NPAS3: variants seen among roughly 807,000 people sequenced by gnomAD.
NPAS3 encodes neuronal PAS domain-containing protein 3.
NPAS3 carries 14 observed loss-of-function variants against 73.1 expected under a neutral mutation model. That is an observed-to-expected ratio of 0.19 (90% CI 0.13 to 0.30). NPAS3 has a LOEUF of 0.30. Among genes scored for constraint, NPAS3 ranks in the 10% least tolerant of loss-of-function variants. The pLI, the probability that NPAS3 is intolerant of heterozygous loss-of-function variation, is 1.00. For missense variants in NPAS3, 1,096 were observed against 1,250.0 expected (o/e 0.88, Z 1.86); for synonymous variants, 620 against 541.5 (o/e 1.14, Z -2.01).
At chr14:33,473,074 A>T (rs2050859280) in intron 4 of NPAS3, among the ~76,000 whole-genome samples, 1 of 152,166 alleles carries the variant, frequency 6.6e-6, no homozygotes, top group African/African-American at 2.4e-5. Context: ...AGGGTAAGAT[A>T]GTGATTTCGC....
rs73269013 is a variant in NPAS3 at position 33,535,720 on chromosome 14, A to C, written c.469-24401A>C. Among the ~76,000 whole-genome samples, 888 of 152,300 alleles carry C rather than the reference A, an allele frequency of 5.8e-3. 7 individuals carry two copies. The highest frequency in any genetic ancestry group is 0.02 in the African/African-American group (812 of 41,548). On this transcript the variant is annotated intron_variant, in intron 4 of 11. Transcript: ENST00000356141. ...TTTCTGAATGTTGTTAATGAAGACGAATTACTCTTAAAATTTCTTAAGCCA... is the reference window on the plus strand; with the variant it reads ...TTTCTGAATGTTGTTAATGAAGACGCATTACTCTTAAAATTTCTTAAGCCA...
chr14:33,636,191 A>C (rs1431286646), intron 5 of NPAS3, among the ~76,000 whole-genome samples: 1 of 152,232 alleles, frequency 6.6e-6, no homozygotes, highest in Non-Finnish European at 1.5e-5. Flanking sequence ...AAGTGCTGGG[A>C]TTACAGGCGT....
chr14:33,494,887 C>T (rs2052093036), intron 4 of NPAS3, among the ~76,000 whole-genome samples: 1 of 152,016 alleles, frequency 6.6e-6, no homozygotes, highest in Non-Finnish European at 1.5e-5. Flanking sequence ...AGGAAGGCGC[C>T]TAATAATTTG....
At chr14:33,555,308 T>G (rs1451546517) in intron 4 of NPAS3, among the ~76,000 whole-genome samples, 1 of 152,234 alleles carries the variant, frequency 6.6e-6, no homozygotes, top group Non-Finnish European at 1.5e-5. Flanking sequence ...GGACTAGCAT[T>G]AACATTTGTG....
chr14:33,585,062 T>G (rs959733676), intron 5 of NPAS3, among the ~76,000 whole-genome samples: 1 of 151,322 alleles, frequency 6.6e-6, no homozygotes, highest in Non-Finnish European at 1.5e-5. Flanking sequence ...GAAAGTTCAA[T>G]TCTTTCTTTT....
At chr14:33,299,728 G>A (rs1383958269) in intron 3 of NPAS3, among the ~76,000 whole-genome samples, 1 of 152,084 alleles carries the variant, frequency 6.6e-6, no homozygotes, top group Non-Finnish European at 1.5e-5. Context: ...GGGAAAAAAA[G>A]CAATGATAAA....
intron 6 of NPAS3, among the ~76,000 whole-genome samples, chr14:33,718,826 A>T (rs1377875876): frequency 6.6e-6 from 1 of 152,152 alleles, no homozygotes; most frequent in South Asian, 2.1e-4. Context: ...CATAACTCAC[A>T]CAAGGCTGTA....
intron 4 of NPAS3, among the ~76,000 whole-genome samples, chr14:33,377,157 TAAC>T (rs763605266): frequency 1.9e-4 from 29 of 152,184 alleles, no homozygotes; most frequent in Non-Finnish European, 1.3e-4. Flanking sequence ...TATTTGGTGA[TAAC>T]AATGTATTTT....
intron 1 of NPAS3, among the ~76,000 whole-genome samples, chr14:32,958,576 A>G (rs2036775976): frequency 6.6e-6 from 1 of 152,010 alleles, no homozygotes; most frequent in Non-Finnish European, 1.5e-5. Flanking sequence ...ATTCATTCTC[A>G]TGGCTTCATA....
chr14:33,259,782 C>T (rs1338336094), intron 3 of NPAS3, among the ~76,000 whole-genome samples: 1 of 151,892 alleles, frequency 6.6e-6, no homozygotes, highest in African/African-American at 2.4e-5. Flanking sequence ...TCTTTAGAAT[C>T]AGATAAAAAC....
chr14:33,338,339 G>A (rs1408309243), intron 3 of NPAS3, among the ~76,000 whole-genome samples: 1 of 152,146 alleles, frequency 6.6e-6, no homozygotes, highest in Non-Finnish European at 1.5e-5. Context: ...ATACTGGAGA[G>A]TTCTTTTTAA....
chr14:33,241,316 T>G lies in NPAS3; in HGVS notation c.385+25890T>G, dbSNP rs2048206864. Among the ~76,000 whole-genome samples the G allele has an allele frequency of 2.6e-5, 4 of 151,930 alleles. No homozygotes were observed. The South Asian group carries it at 8.3e-4, about 31-fold the overall frequency. ...TGAGATATTATCACTATAAGATAAA[T>G]TCAACTGATTTTTTCTTGTTTTGCA... On this transcript the variant is annotated intron_variant, in intron 3 of 11. Transcript: ENST00000356141.
intron 2 of NPAS3, among the ~76,000 whole-genome samples, chr14:33,202,741 G>C (rs1208449718): frequency 6.7e-6 from 1 of 148,578 alleles, no homozygotes; most frequent in Non-Finnish European, 1.5e-5. Context: ...CCACCCACAT[G>C]TATGATTTCT....
intron 3 of NPAS3, among the ~76,000 whole-genome samples, chr14:33,340,258 G>T (rs2044410466): frequency 6.6e-6 from 1 of 152,360 alleles, no homozygotes; most frequent in East Asian, 1.9e-4. Context: ...ACTTCGGGAG[G>T]CCGAGGCAGG....
At chr14:33,207,267 GCACAC>G (rs2046864235) in intron 2 of NPAS3, among the ~76,000 whole-genome samples, 5 of 16,958 alleles carry the variant, frequency 2.9e-4, no homozygotes, top group Non-Finnish European at 8.1e-4. Context: ...ACACACACAC[GCACAC>G]ACACACACAC....
chr14:33,310,997 G>A (rs7146970), intron 3 of NPAS3, among the ~76,000 whole-genome samples: 5 of 152,138 alleles, frequency 3.3e-5, no homozygotes, highest in Admixed American at 1.3e-4. Flanking sequence ...AGACTAGGCA[G>A]GTTAGGTTTG....
chr14:33,102,949 A>G (rs9919920), intron 2 of NPAS3, among the ~76,000 whole-genome samples: 2,853 of 152,306 alleles, frequency 0.019, 87 homozygotes, highest in African/African-American at 0.06. Context: ...GAGAACTATT[A>G]CCTTACAGTA....
chr14:33,724,330 C>T (rs76478293), intron 6 of NPAS3, among the ~76,000 whole-genome samples: 78 of 152,190 alleles, frequency 5.1e-4, no homozygotes, highest in African/African-American at 1.9e-3. Context: ...AATCCATCCT[C>T]AATAGAAATA....
intron 2 of NPAS3, among the ~76,000 whole-genome samples, chr14:33,111,872 T>C (rs1372121947): frequency 7.0e-6 from 1 of 142,552 alleles, no homozygotes; most frequent in Non-Finnish European, 1.5e-5. Context: ...CCTGTGTCCA[T>C]GTGTTCTCAT....
Sources: gnomAD v4.1 joint callset for allele counts (sites outside exome capture counted in the v4.1 genomes callset) on GRCh38, gnomAD v4.1.1 for gene constraint, MANE v1.5 for transcripts, NCBI Gene and HGNC (gene_info 2026-07-23, HGNC 2026-07-21) for gene names.